The following CNDP2 variants were observed in gnomAD, a reference collection of about 807,000 sequenced individuals.
CNDP2 encodes cytosolic non-specific dipeptidase.
CNDP2 carries 38 observed loss-of-function variants against 55.0 expected under a neutral mutation model. The ratio of observed to expected loss-of-function variants is 0.69; its 90% CI spans 0.53 to 0.90. The LOEUF (loss-of-function observed/expected upper bound fraction) is 0.90. Ranked by LOEUF, CNDP2 falls within the 40% of genes least tolerant of loss-of-function variation. The pLI is 0.00. For missense variants in CNDP2, 607 were observed against 621.7 expected (o/e 0.98, Z 0.25); for synonymous variants, 241 against 260.2 (o/e 0.93, Z 0.71).
In CNDP2 at chr18:74,500,044, A is replaced by G. The variant is rs764448465; in HGVS notation, c.60+11A>G. ...GATCGCTACATTAAGGTAAGGGAAT[A>G]TTCATTTTAGGAAACAGTAAAATCT... On this transcript the variant is annotated intron_variant, in intron 2 of 11. Transcript: ENST00000324262. 3.7e-6 allele frequency: 6 copies of G among 1,610,772 alleles called. No homozygotes were observed. Among genetic ancestry groups the G allele is most frequent in the Non-Finnish European group, 5.1e-6 (6 of 1,177,240 alleles).
intron 8 of CNDP2, 72 bp from the exon 9 acceptor site, chr18:74,516,156 C>A: frequency 6.7e-7 from 1 of 1,482,930 alleles, no homozygotes; most frequent in Non-Finnish European, 9.1e-7. Context: ...ACAACATTCC[C>A]AGCTCCTCGG....
intron 3 of CNDP2, among the ~76,000 whole-genome samples, chr18:74,501,751 G>T (rs1360318717): frequency 6.6e-6 from 1 of 152,140 alleles, no homozygotes; most frequent in Non-Finnish European, 1.5e-5. Context: ...TGAGAGAATG[G>T]CTGAGATTCC....
chr18:74,512,421 G>A (rs199764645), intron 6 of CNDP2, 27 bp from the exon 7 acceptor site: 66 of 1,601,666 alleles, frequency 4.1e-5, no homozygotes, highest in Admixed American at 1.7e-4. Flanking sequence ...TAGGCAGCCA[G>A]ACACAGTGGC....
intron 9 of CNDP2, 29 bp from the exon 10 acceptor site, chr18:74,518,470 T>C (rs752960165): frequency 1.2e-6 from 2 of 1,613,612 alleles, no homozygotes; most frequent in South Asian, 1.1e-5. Flanking sequence ...TATAAAGCAT[T>C]GTATACCTCT....
chr18:74,501,581 ACCTTT>A, intron 3 of CNDP2, 109 bp downstream of exon 3: 4 of 1,377,220 alleles, frequency 2.9e-6, no homozygotes, highest in Admixed American at 5.0e-5. Flanking sequence ...TACCCCACTC[ACCTTT>A]AAAACAAAAA....
chr18:74,504,501 T>G (rs1302588426), intron 3 of CNDP2, among the ~76,000 whole-genome samples: 1 of 152,268 alleles, frequency 6.6e-6, no homozygotes, highest in Admixed American at 6.5e-5. Context: ...GCTTGTACAC[T>G]TAGAGCTGGA....
Position 74,510,937 on chromosome 18 carries a change from C to T in CNDP2, c.581C>T (p.Ser194Phe), listed in dbSNP as rs1568280555. The stretch of plus-strand genomic sequence containing the variant: ...AAGGATGTGGACTATGTCTGCATTT[C>T]TGACAATTACTGGCTGGGAAAGAAG... ...FFKDVDYVCI[S>F]DNYWLGKKKP... Residue 194 changes from serine to phenylalanine, a missense_variant, in exon 6 of 12, where the codon TCT becomes TTT. Transcript: ENST00000324262. 1 of 1,614,082 alleles carries T rather than the reference C, an allele frequency of 6.2e-7. No individual in the cohort carries two copies.
chr18:74,513,841 G>A, intron 8 of CNDP2, 122 bp downstream of exon 8: 2 of 988,390 alleles, frequency 2.0e-6, no homozygotes, highest in Non-Finnish European at 2.9e-6. Flanking sequence ...AATGTCCGAT[G>A]CACATGAGTC....
At chr18:74,511,269 G>C in intron 6 of CNDP2, 2 of 487,322 alleles carry the variant, frequency 4.1e-6, no homozygotes, top group Non-Finnish European at 7.2e-6. Context: ...GCTTTGGAGC[G>C]GCTGAGAGGA....
chr18:74,505,963 C>G lies in CNDP2; in HGVS notation c.319C>G (p.Leu107Val). 1 of 1,609,690 alleles carries G rather than the reference C, an allele frequency of 6.2e-7. No individual in the cohort carries two copies. Among genetic ancestry groups the G allele is most frequent in the African/African-American group, 1.3e-5 (1 of 74,708 alleles). Reference sequence around the variant, plus strand: ...GCACCTGGATGTGCAGCCTGCAGCCCTGGAGGACGGCTGGGACAGCGAGCC... The same window carrying G: ...GCACCTGGATGTGCAGCCTGCAGCCGTGGAGGACGGCTGGGACAGCGAGCC... ...YGHLDVQPAA[L>V]EDGWDSEPFT... is the part of the protein sequence containing the mutation. The change falls in exon 4 of 12, where the codon CTG (leucine) becomes GTG (valine). Residue 107 changes from leucine to valine, a missense_variant. By Grantham distance (32) the Leu-to-Val change is conservative (BLOSUM62 1). Coordinates refer to ENST00000324262, the MANE Select transcript of CNDP2 (RefSeq NM_018235.3).
At position 74,522,471 on chromosome 18, in the gene CNDP2, CT is replaced by C. The variant is rs1568285234; in HGVS notation, c.*2404del. 2 of 152,282 alleles carry C rather than the reference CT, an allele frequency of 1.3e-5. No individual in the cohort carries two copies. Among genetic ancestry groups the C allele is most frequent in the Non-Finnish European group, 1.5e-5 (1 of 68,072 alleles). The allele number at this position is 152,282 out of a possible 1,614,324, so 9.4% of individuals were successfully genotyped here. On this transcript the variant is annotated 3_prime_UTR_variant, in exon 12 of 12. Coordinates refer to ENST00000324262, the MANE Select transcript of CNDP2 (RefSeq NM_018235.3). ...GTGCTATGCTTTGAATGTTTGGCTC[CT>C]CCCAAACTCGTGTTGAAACTTAATA...
intron 8 of CNDP2, among the ~76,000 whole-genome samples, chr18:74,515,171 C>T (rs977771562): frequency 6.6e-6 from 1 of 152,156 alleles, no homozygotes; most frequent in African/African-American, 2.4e-5. Flanking sequence ...TCCGGGTCTT[C>T]CAGGAGATGG....
chr18:74,501,075 G>GTTT, intron 2 of CNDP2: 2 of 785,324 alleles, frequency 2.5e-6, no homozygotes, highest in Non-Finnish European at 3.3e-6. Flanking sequence ...TCACTTCCTT[G>GTTT]TTTTTTTTTT....
At position 74,520,145 on chromosome 18, in the gene CNDP2, A is replaced by ACCTCCACTTCCCT; in HGVS notation, c.*77_*78insCCTCCACTTCCCT. On this transcript the variant is annotated 3_prime_UTR_variant, in exon 12 of 12. Coordinates refer to ENST00000324262, the MANE Select transcript of CNDP2 (RefSeq NM_018235.3). ...CACCCTTTTCCAACTTGCCCAGGGA[A>ACCTCCACTTCCCT]GTGGAGGTTCCCTCTTTCCTTTCCC... 1.4e-6 allele frequency: 2 copies of ACCTCCACTTCCCT among 1,404,868 alleles called. No homozygotes were observed. Among genetic ancestry groups the ACCTCCACTTCCCT allele is most frequent in the Non-Finnish European group, 2.0e-6 (2 of 995,750 alleles). 87.0% of individuals were successfully genotyped at this position (1,404,868 alleles called of 1,614,324 possible).
chr18:74,512,673 C>A, intron 7 of CNDP2, 141 bp downstream of exon 7: 1 of 656,322 alleles, frequency 1.5e-6, no homozygotes, highest in Non-Finnish European at 2.6e-6. Context: ...GTGCCTCTCC[C>A]TCCTTCCACT....
At chr18:74,511,307 T>C (rs995480787) in intron 6 of CNDP2, 3 of 397,252 alleles carry the variant, frequency 7.6e-6, no homozygotes, top group African/African-American at 6.0e-5. Context: ...TTTCAGAAGA[T>C]GCAAACACAT....
chr18:74,518,676 G>C (rs1371375755), intron 10 of CNDP2, 36 bp downstream of exon 10: 1 of 1,612,902 alleles, frequency 6.2e-7, no homozygotes, highest in Non-Finnish European at 8.5e-7. Context: ...GCCGCGCAGG[G>C]CCCTTCGCAC....
In CNDP2 at chr18:74,518,497, A is replaced by T. The variant is rs1256491655; in HGVS notation, c.1069-2A>T. The T allele has an allele frequency of 6.2e-7, 1 of 1,614,058 alleles. No homozygotes were observed. The highest frequency in any genetic ancestry group is 8.5e-7 in the Non-Finnish European group (1 of 1,180,026). ...TATACCTCTATTCTATTTGTGGTTT[A>T]GGTCACAAGCTACCTAACTAAGAAG... On this transcript the variant is annotated splice_acceptor_variant, in intron 9 of 11. Transcript: ENST00000324262. LOFTEE classifies it high-confidence loss of function.
intron 2 of CNDP2, 150 bp downstream of exon 2, chr18:74,500,183 C>A: frequency 1.6e-6 from 1 of 619,424 alleles, no homozygotes; most frequent in East Asian, 2.9e-5. Flanking sequence ...CTTATTATGG[C>A]ATAGGTTACA....
Sources: gnomAD v4.1 joint callset for allele counts (sites outside exome capture counted in the v4.1 genomes callset) on GRCh38, gnomAD v4.1.1 for gene constraint, MANE v1.5 for transcripts, NCBI Gene and HGNC (gene_info 2026-07-23, HGNC 2026-07-21) for gene names.